The following ABCA12 variants were observed in gnomAD, a reference collection of about 807,000 sequenced individuals.
ABCA12 encodes ATP binding cassette subfamily A member 12.
A neutral mutation model predicts 293.5 loss-of-function variants in ABCA12; 156 were observed. That is an observed-to-expected ratio of 0.53 (90% confidence interval 0.47 to 0.61). The LOEUF (loss-of-function observed/expected upper bound fraction) is 0.61, where lower values mean the gene tolerates loss of function less well. Among genes scored for constraint, ABCA12 ranks in the 20% least tolerant of loss-of-function variants. The pLI is 0.00. For synonymous variants in ABCA12, 1,063 were observed against 1,108.0 expected (o/e 0.96, Z 0.81); for missense variants, 2,797 against 3,090.2 (o/e 0.91, Z 2.25).
chr2:215,024,987 T>C (rs917975176), intron 11 of ABCA12, among the ~76,000 whole-genome samples: 3 of 152,172 alleles, frequency 2.0e-5, no homozygotes, highest in African/African-American at 7.2e-5. Flanking sequence ...TAATATAAAT[T>C]ATTCATTTTA....
In ABCA12 at chr2:214,989,591, C is replaced by A. The variant is rs755458355; in HGVS notation, c.3655G>T (p.Ala1219Ser). The A allele has an allele frequency of 1.4e-5, 22 of 1,613,542 alleles. No individual in the cohort carries two copies. Among genetic ancestry groups the A allele is most frequent in the Non-Finnish European group, 8.5e-7 (1 of 1,179,812 alleles). The part of the protein sequence containing the change: ...SLLSPTAFSY[A>S]SQYIARYEEQ... ...TCGTATCGTGCAATGTATTGGCTTG[C>A]ATAGCTGAATGCTGTTGGGGACAGC... Residue 1219 changes from alanine (A) to serine (S), a missense_variant, in exon 25 of 53, where the codon GCA (alanine) becomes TCA (serine). Ala to Ser is a moderately conservative substitution (Grantham distance 99, BLOSUM62 1). Transcript: ENST00000272895.
rs1698965532 is a variant in ABCA12, at chr2:214,956,849, AT to A, written c.6118-72del. The A allele has an allele frequency of 2.7e-6, 3 of 1,095,558 alleles. No homozygotes were observed. In the African/African-American group the frequency reaches 4.7e-5, roughly 17 times the overall value. 67.9% of individuals were successfully genotyped at this position (1,095,558 alleles called of 1,614,324 possible). The stretch of plus-strand genomic sequence containing the variant: ...TCAAAAAAAAAAAAATCAATAACCC[AT>A]CTAGTTTAAAACTGCAACAAGTTGA... On this transcript the variant is annotated intron_variant, in intron 41 of 52. Coordinates refer to ENST00000272895, the MANE Select transcript of ABCA12 (RefSeq NM_173076.3).
intron 2 of ABCA12, among the ~76,000 whole-genome samples, chr2:215,100,425 A>C (rs956813105): frequency 6.6e-6 from 1 of 152,078 alleles, no homozygotes; most frequent in Non-Finnish European, 1.5e-5. Flanking sequence ...CAATTACCCT[A>C]ATTCGCAGCC....
At chr2:214,995,532 A>G (rs1220424339) in intron 23 of ABCA12, among the ~76,000 whole-genome samples, 1 of 152,208 alleles carries the variant, frequency 6.6e-6, no homozygotes, top group African/African-American at 2.4e-5. Flanking sequence ...CAGATCTACC[A>G]TTAACTAGCT....
chr2:214,985,691 C>A (rs967598735), intron 28 of ABCA12, among the ~76,000 whole-genome samples: 3 of 151,132 alleles, frequency 2.0e-5, no homozygotes, highest in African/African-American at 7.3e-5. Context: ...CTTTTATTTA[C>A]AAAAAAAAAT....
intron 2 of ABCA12, among the ~76,000 whole-genome samples, chr2:215,107,296 T>C (rs750165264): frequency 1.3e-5 from 2 of 152,214 alleles, no homozygotes; most frequent in South Asian, 2.1e-4. Context: ...GTGTGTCTTG[T>C]AGAGATTTGT....
At chr2:215,091,355 GC>G (rs1702138389) in intron 2 of ABCA12, among the ~76,000 whole-genome samples, 1 of 152,132 alleles carries the variant, frequency 6.6e-6, no homozygotes, top group Non-Finnish European at 1.5e-5. Context: ...TCTGGAACTA[GC>G]CCTCCCCAAC....
intron 14 of ABCA12, chr2:215,017,778 A>C: frequency 1.9e-6 from 1 of 523,946 alleles, no homozygotes; most frequent in Non-Finnish European, 3.4e-6. Context: ...CAAATGGGGC[A>C]TGGGAAAGGA....
At chr2:215,071,196 C>CAAATA (rs149235929) in intron 2 of ABCA12, among the ~76,000 whole-genome samples, 4,114 of 120,008 alleles carry the variant, frequency 0.034, 110 homozygotes, top group South Asian at 0.08. Context: ...GATCCTGTCT[C>CAAATA]AAATAAAATA....
chr2:215,089,589 C>G (rs562882764), intron 2 of ABCA12, among the ~76,000 whole-genome samples: 27 of 152,160 alleles, frequency 1.8e-4, no homozygotes, highest in African/African-American at 6.0e-4. Flanking sequence ...TTTTAAAGTT[C>G]AAAAAGAAAC....
At chr2:215,111,825 A>G in intron 1 of ABCA12, 135 bp from the exon 2 acceptor site, 2 of 676,640 alleles carry the variant, frequency 3.0e-6, no homozygotes, top group South Asian at 1.8e-5. Flanking sequence ...GATATTATTA[A>G]TAAAAAGTGA....
At chr2:214,999,722 G>T in intron 22 of ABCA12, 1 of 778,722 alleles carries the variant, frequency 1.3e-6, no homozygotes, top group Non-Finnish European at 1.6e-6. Flanking sequence ...GGGCAGCACA[G>T]TCCCGTCCAC....
chr2:214,993,804 T>C (rs920582527), intron 23 of ABCA12, among the ~76,000 whole-genome samples: 9 of 152,200 alleles, frequency 5.9e-5, no homozygotes, highest in Non-Finnish European at 1.2e-4. Flanking sequence ...TGACAATTGA[T>C]AGCTTTCTAG....
rs547036929 is a variant in ABCA12, at chr2:214,942,882, G to T, written c.7436+43C>A. 4 of 1,532,236 alleles carry T rather than the reference G, an allele frequency of 2.6e-6. No individual in the cohort carries two copies. In the Admixed American group the frequency reaches 6.7e-5, roughly 26 times the overall value. 94.9% of individuals were successfully genotyped at this position (1,532,236 alleles called of 1,614,324 possible). ...GAATCTGAGTGAGCACCATTAGATA[G>T]ATGACCCAACACTATCTGTTAAGCA... On this transcript the variant is annotated intron_variant, in intron 50 of 52. Transcript: ENST00000272895.
At chr2:214,946,607 A>T (rs1364022317) in intron 48 of ABCA12, among the ~76,000 whole-genome samples, 1 of 152,150 alleles carries the variant, frequency 6.6e-6, no homozygotes, top group Non-Finnish European at 1.5e-5. Context: ...GATTTGATCC[A>T]CTGTATGACT....
Position 215,036,702 on chromosome 2 carries a change from A to G in ABCA12, c.985+251T>C, listed in dbSNP as rs76860910. Among the ~76,000 whole-genome samples, 653 of 152,260 alleles carry G rather than the reference A, an allele frequency of 4.3e-3. 34 individuals are homozygous for G. In the East Asian group the frequency reaches 0.11, roughly 25 times the overall value. ...TTTTTTTTTTCTATACCAAGTATAAACATAGTTTTACAAGCTAACAGAGAT... is the reference window on the plus strand; with the variant it reads ...TTTTTTTTTTCTATACCAAGTATAAGCATAGTTTTACAAGCTAACAGAGAT... On this transcript the variant is annotated intron_variant, in intron 8 of 52. Transcript: ENST00000272895.
chr2:214,934,688 C>G (rs1698164783), intron 51 of ABCA12, among the ~76,000 whole-genome samples: 2 of 152,106 alleles, frequency 1.3e-5, no homozygotes, highest in African/African-American at 4.8e-5. Flanking sequence ...ACAGCTCATC[C>G]TTTTCCCAAC....
At chr2:215,112,839 G>A (rs1327080654) in intron 1 of ABCA12, among the ~76,000 whole-genome samples, 2 of 152,072 alleles carry the variant, frequency 1.3e-5, no homozygotes, top group Non-Finnish European at 2.9e-5. Flanking sequence ...TACTTTAGGA[G>A]CTGCTTTTCC....
At chr2:215,074,240 CA>C (rs747974784) in intron 2 of ABCA12, among the ~76,000 whole-genome samples, 29 of 152,138 alleles carry the variant, frequency 1.9e-4, no homozygotes, top group Non-Finnish European at 4.0e-4. Flanking sequence ...AAACGTCTTA[CA>C]TAAGAAAATA....
Sources: gnomAD v4.1 joint callset for allele counts (sites outside exome capture counted in the v4.1 genomes callset) on GRCh38, gnomAD v4.1.1 for gene constraint, MANE v1.5 for transcripts, NCBI Gene and HGNC (gene_info 2026-07-23, HGNC 2026-07-21) for gene names.